The following MTREX variants were observed in gnomAD, a reference collection of about 807,000 sequenced individuals.
MTREX encodes Mtr4 exosome RNA helicase.
In MTREX, 76 loss-of-function variants were observed where a neutral mutation model predicts 135.4. The ratio of observed to expected loss-of-function variants is 0.56; its 90% CI spans 0.47 to 0.68. The LOEUF is 0.68. Among genes scored for constraint, MTREX ranks in the 30% least tolerant of loss-of-function variants. The pLI, the probability that MTREX is intolerant of heterozygous loss-of-function variation, is 0.00. For missense variants in MTREX, 920 were observed against 1,262.1 expected (o/e 0.73, Z 4.11); for synonymous variants, 404 against 401.6 (o/e 1.01, Z -0.07).
chr5:55,315,840 A>T (rs1332508666), intron 1 of MTREX, among the ~76,000 whole-genome samples: 2 of 150,702 alleles, frequency 1.3e-5, no homozygotes, highest in Non-Finnish European at 3.0e-5. Context: ...ACCCTGGATG[A>T]TACAGCTGGG....
intron 16 of MTREX, among the ~76,000 whole-genome samples, chr5:55,372,891 A>AGTGTGT (rs1561200642): frequency 4.4e-5 from 4 of 90,524 alleles, no homozygotes; most frequent in Admixed American, 1.2e-4. Context: ...TTAAAACTGT[A>AGTGTGT]ATGTGTGTGT....
Position 55,378,479 on chromosome 5 carries a change from T to G in MTREX, c.1976T>G (p.Leu659Trp). Residue 659 changes from leucine (L) to tryptophan (W), a missense_variant, in exon 17 of 27, where the codon TTG becomes TGG. Physicochemically the swap from Leu to Trp is moderately conservative, Grantham distance 61 (BLOSUM62 -2). Transcript: ENST00000230640. ...YCLPFLQPGR[L>W]VKVKNEGDDF... is the part of the protein sequence containing the mutation. ...TTACCTTTTCTACAACCAGGTCGTT[T>G]GGTAAAGGTATGTCATTGTTTCTTC... is the stretch of plus-strand genomic sequence containing the variant. 6.2e-7 allele frequency: 1 copy of G among 1,607,424 alleles called. No individual in the cohort carries two copies. The highest frequency in any genetic ancestry group is 1.3e-5 in the African/African-American group (1 of 74,758).
intron 10 of MTREX, among the ~76,000 whole-genome samples, chr5:55,345,664 AT>A (rs553778793): frequency 3.2e-3 from 430 of 132,838 alleles, no homozygotes; most frequent in South Asian, 7.3e-3. Context: ...GTTACTTTTA[AT>A]TTTTTTTTTT....
chr5:55,423,213 G>C (rs1209216633), intron 26 of MTREX: 3 of 512,650 alleles, frequency 5.9e-6, no homozygotes, highest in Non-Finnish European at 1.0e-5. Context: ...GCCAGGCATT[G>C]TTTTAAGCAC....
In MTREX at chr5:55,358,390, T is replaced by C. The variant is rs369571324; in HGVS notation, c.1534-183T>C. 7.2e-5 allele frequency among the ~76,000 whole-genome samples: 11 copies of C among 152,324 alleles called. No individual in the cohort carries two copies. In the East Asian group the frequency reaches 1.9e-3, roughly 27 times the overall value. On this transcript the variant is annotated intron_variant, in intron 14 of 26. Transcript: ENST00000230640. Reference sequence around the variant, plus strand: ...GTGTGATGTCGGTTTGAAACATTATTCTCACATGTTTTGCATTTTTGTGCT... The same window carrying C: ...GTGTGATGTCGGTTTGAAACATTATCCTCACATGTTTTGCATTTTTGTGCT...
intron 15 of MTREX, among the ~76,000 whole-genome samples, chr5:55,361,999 C>T (rs573653508): frequency 6.6e-6 from 1 of 151,640 alleles, no homozygotes; most frequent in South Asian, 2.1e-4. Context: ...TCACTGCAAC[C>T]TTGACCTCCA....
chr5:55,341,792 TA>T (rs1365349265), intron 7 of MTREX, 21 bp downstream of exon 7: 2 of 1,114,988 alleles, frequency 1.8e-6, no homozygotes, highest in Non-Finnish European at 2.6e-6. Flanking sequence ...TGTTGAAATG[TA>T]TATCATGTAT....
intron 3 of MTREX, among the ~76,000 whole-genome samples, chr5:55,325,348 T>TTG (rs1554030478): frequency 4.6e-5 from 7 of 150,852 alleles, no homozygotes; most frequent in African/African-American, 1.7e-4. Flanking sequence ...TGTTTTTTTT[T>TTG]TTTTTAAGAG....
chr5:55,405,569 G>C lies in MTREX; in HGVS notation c.2626G>C (p.Val876Leu). Reference protein sequence around the residue: ...SSDVIEMKGRVACEISSADEL... With the variant: ...SSDVIEMKGRLACEISSADEL... ...TGATGTAATAGAGATGAAAGGACGA[G>C]TGGCTTGTGAGATAAGCAGGTAAAA... is the stretch of plus-strand genomic sequence containing the variant. Residue 876 changes from valine to leucine, a missense_variant, in exon 22 of 27, where the codon GTG becomes CTG. By Grantham distance (32) the Val-to-Leu change is conservative. Coordinates refer to ENST00000230640, the MANE Select transcript of MTREX (RefSeq NM_015360.5). The C allele has an allele frequency of 6.2e-7, 1 of 1,612,430 alleles. No homozygotes were observed. The highest frequency in any genetic ancestry group is 8.5e-7 in the Non-Finnish European group (1 of 1,179,050).
intron 25 of MTREX, among the ~76,000 whole-genome samples, chr5:55,417,789 A>G (rs894265476): frequency 3.9e-5 from 6 of 152,226 alleles, no homozygotes; most frequent in African/African-American, 1.4e-4. Context: ...AATGCCTAAT[A>G]ATAAGACTTG....
rs1019193812 is a variant in MTREX, at chr5:55,378,463, C to T, written c.1960C>T (p.Leu654=). Residue 654 remains leucine (L), a synonymous_variant, in exon 17 of 27, where the codon CTA becomes TTA. Transcript: ENST00000230640. ...IHKPKYCLPF[L]QPGRLVKVKN... is the part of the protein sequence containing the mutation. ...CAAACCAAAATACTGCTTACCTTTT[C>T]TACAACCAGGTCGTTTGGTAAAGGT... 6.2e-6 allele frequency: 10 copies of T among 1,609,142 alleles called. No individual in the cohort carries two copies. The highest frequency in any genetic ancestry group is 1.3e-5 in the African/African-American group (1 of 74,708).
intron 25 of MTREX, among the ~76,000 whole-genome samples, chr5:55,416,769 A>G (rs1456638913): frequency 2.0e-5 from 3 of 152,328 alleles, no homozygotes; most frequent in Non-Finnish European, 4.4e-5. Context: ...GTGTTTATAA[A>G]TGGCCAGTTG....
At chr5:55,326,258 G>C (rs1216020057) in intron 3 of MTREX, among the ~76,000 whole-genome samples, 1 of 152,084 alleles carries the variant, frequency 6.6e-6, no homozygotes, top group Non-Finnish European at 1.5e-5. Context: ...AAATTAACCA[G>C]GCATGGTGGC....
At chr5:55,377,269 G>A (rs1750320176) in intron 16 of MTREX, among the ~76,000 whole-genome samples, 1 of 152,182 alleles carries the variant, frequency 6.6e-6, no homozygotes, top group South Asian at 2.1e-4. Flanking sequence ...AGATCTTGCA[G>A]TGAGCCGAGA....
chr5:55,351,992 T>A (rs1213493108), intron 13 of MTREX, among the ~76,000 whole-genome samples: 1 of 149,510 alleles, frequency 6.7e-6, no homozygotes, highest in Non-Finnish European at 1.5e-5. Flanking sequence ...CAACTAATTT[T>A]TTTTTCTTGT....
Position 55,327,696 on chromosome 5 carries a change from C to A in MTREX, c.340-20C>A. The A allele has an allele frequency of 1.9e-6, 3 of 1,588,128 alleles. No individual in the cohort carries two copies. The highest frequency in any genetic ancestry group is 2.6e-6 in the Non-Finnish European group (3 of 1,165,032). ...CAAATAGTTGGTGAGGTTTTTTTTT[C>A]TTTTTTACTTTGTTGTCAGGTTGCA... On this transcript the variant is annotated intron_variant, in intron 3 of 26. Transcript: ENST00000230640.
chr5:55,388,008 T>A lies in MTREX; in HGVS notation c.2087T>A (p.Val696Glu). The A allele has an allele frequency of 6.2e-7, 1 of 1,605,272 alleles. No homozygotes were observed. Among genetic ancestry groups the A allele is most frequent in the Non-Finnish European group, 8.5e-7 (1 of 1,173,786 alleles). Reference sequence around the variant, plus strand: ...GGTGAACTGGATCCTTTGTATGTAGTAGAAGTACTTCTGCGCTGTAGCAAA... The same window carrying A: ...GGTGAACTGGATCCTTTGTATGTAGAAGAAGTACTTCTGCGCTGTAGCAAA... ...NSGELDPLYV[V>E]EVLLRCSKES... Residue 696 changes from valine to glutamate, a missense_variant, in exon 19 of 27, where the codon GTA (valine) becomes GAA (glutamate). Transcript: ENST00000230640.
At chr5:55,324,326 A>AT in intron 3 of MTREX, 128 bp downstream of exon 3, 1 of 458,508 alleles carries the variant, frequency 2.2e-6, no homozygotes, top group Non-Finnish European at 3.9e-6. Context: ...TCCATGGGGT[A>AT]CCTAGTGGAA....
intron 16 of MTREX, among the ~76,000 whole-genome samples, chr5:55,373,989 A>ATGG (rs1750249039): frequency 6.6e-6 from 1 of 152,120 alleles, no homozygotes; most frequent in Non-Finnish European, 1.5e-5. Context: ...AATGCCAGGC[A>ATGG]TGGTGGCTCA....
Sources: gnomAD v4.1 joint callset for allele counts (sites outside exome capture counted in the v4.1 genomes callset) on GRCh38, gnomAD v4.1.1 for gene constraint, MANE v1.5 for transcripts, NCBI Gene and HGNC (gene_info 2026-07-23, HGNC 2026-07-21) for gene names.